The following UCKL1 variants were observed in gnomAD, a reference collection of about 807,000 sequenced individuals.
UCKL1 encodes uridine-cytidine kinase 1 like 1.
A neutral mutation model predicts 59.2 loss-of-function variants in UCKL1; 65 were observed. That is an observed-to-expected ratio of 1.10 (90% CI 0.90 to 1.35). The LOEUF (loss-of-function observed/expected upper bound fraction) is 1.35, where lower values mean the gene tolerates loss of function less well. UCKL1 is among the 40% of genes most tolerant of loss of function. UCKL1 has a pLI of 0.00. For synonymous variants in UCKL1, 410 were observed against 323.1 expected, an observed-to-expected ratio of 1.27 and a Z score of -2.88; for missense variants, 703 against 784.3, an observed-to-expected ratio of 0.90 and a Z score of 1.24.
rs546960492 is a variant in UCKL1, at chr20:63,951,108, T to G, written c.114-4465A>C. ...CAGAGGCACAGCAGCTAGGAGGCCC[T>G]TGAAGCCTCCACCGTACTGAGGGAA... On this transcript the variant is annotated intron_variant, in intron 1 of 14. Transcript: ENST00000354216. The G allele has an allele frequency of 6.9e-6, 8 of 1,164,262 alleles. No individual in the cohort carries two copies. In the South Asian group the frequency reaches 2.9e-4, roughly 43 times the overall value. The allele number at this position is 1,164,262 out of a possible 1,614,324, so 72.1% of individuals were successfully genotyped here.
At chr20:63,948,734 G>A (rs1439643272) in intron 1 of UCKL1, among the ~76,000 whole-genome samples, 1 of 150,850 alleles carries the variant, frequency 6.6e-6, no homozygotes, top group Non-Finnish European at 1.5e-5. Flanking sequence ...AGGGAAGCGT[G>A]TGCACACACC....
chr20:63,946,359 C>G, intron 2 of UCKL1, 92 bp from the exon 3 acceptor site: 1 of 1,527,008 alleles, frequency 6.5e-7, no homozygotes, highest in South Asian at 1.2e-5. Context: ...CCGCTGCCTG[C>G]GGTTGCCCGG....
chr20:63,940,596 C>A lies in UCKL1; in HGVS notation c.1300G>T (p.Glu434Ter), dbSNP rs769616859. 3 of 1,607,994 alleles carry A rather than the reference C, an allele frequency of 1.9e-6. No individual in the cohort carries two copies. The highest frequency in any genetic ancestry group is 1.7e-5 in the Admixed American group (1 of 59,996). Residue 434 changes from glutamate (E) to a stop codon, truncating the protein, a stop_gained and splice_region_variant, in exon 12 of 15, where the codon GAG becomes TAG. Transcript: ENST00000354216. LOFTEE classifies it high-confidence loss of function. ...IQTNQLTGEP[E>*]LHYLRLPKDI... ...TCACCCCGGCTGCCCCCAGGCACCT[C>A]GGGCTCCCCGGTAAGCTGGTTGGTC...
At chr20:63,945,772 C>T in intron 4 of UCKL1, 33 bp downstream of exon 4, 2 of 1,612,862 alleles carry the variant, frequency 1.2e-6, no homozygotes, top group Non-Finnish European at 1.7e-6. Flanking sequence ...GCCTGCAGCC[C>T]CCCGAGGCCC....
At position 63,949,917 on chromosome 20, in the gene UCKL1, G is replaced by A. The variant is rs539872830; in HGVS notation, c.114-3274C>T. Among the ~76,000 whole-genome samples the A allele has an allele frequency of 3.5e-4, 53 of 152,354 alleles. No individual in the cohort carries two copies. In the East Asian group the frequency reaches 7.7e-3, roughly 22 times the overall value. ...GGACAGACACCAGACGGCAGAGGCC[G>A]GGCTGGCACCGTGCCTGCTCCCCAT... On this transcript the variant is annotated intron_variant, in intron 1 of 14. Coordinates refer to ENST00000354216, the MANE Select transcript of UCKL1 (RefSeq NM_017859.4).
chr20:63,952,006 C>A (rs1192498069), intron 1 of UCKL1, among the ~76,000 whole-genome samples: 1 of 152,224 alleles, frequency 6.6e-6, no homozygotes, highest in African/African-American at 2.4e-5. Context: ...AAAGGGAAGA[C>A]TCCACATGGA....
At chr20:63,952,508 A>C (rs989072482) in intron 1 of UCKL1, among the ~76,000 whole-genome samples, 4 of 151,920 alleles carry the variant, frequency 2.6e-5, no homozygotes, top group Non-Finnish European at 5.9e-5. Context: ...CACGGCAGGG[A>C]GGGGCCGCTC....
At chr20:63,943,757 A>T (rs1266643082) in intron 7 of UCKL1, 88 bp from the exon 8 acceptor site, 1 of 1,595,022 alleles carries the variant, frequency 6.3e-7, no homozygotes, top group East Asian at 2.2e-5. Context: ...CCAGGAATGG[A>T]CATGCTGCAG....
At chr20:63,941,476 T>C in intron 8 of UCKL1, 2 of 512,518 alleles carry the variant, frequency 3.9e-6, no homozygotes, top group South Asian at 4.3e-5. Flanking sequence ...TGAGGGCCCC[T>C]CCCAGTGCGG....
At chr20:63,946,111 G>A (rs751096376) in intron 3 of UCKL1, 50 bp downstream of exon 3, 1 of 1,608,342 alleles carries the variant, frequency 6.2e-7, no homozygotes, top group Admixed American at 1.7e-5. Flanking sequence ...GGGGGTCCAG[G>A]GTCAGGGAGA....
Position 63,941,032 on chromosome 20 carries a change from G to A in UCKL1, c.1034C>T (p.Thr345Ile), listed in dbSNP as rs1295057046. The A allele has an allele frequency of 6.4e-7, 1 of 1,573,518 alleles. No individual in the cohort carries two copies. The highest frequency in any genetic ancestry group is 2.3e-5 in the East Asian group (1 of 44,402). Residue 345 changes from threonine to isoleucine, a missense_variant, in exon 10 of 15, where the codon ACC (threonine) becomes ATC (isoleucine). Around this residue, in one of 4 missense-constraint regions of UCKL1, gnomAD observed 156 missense variants for 185.6 expected, o/e 0.84. Transcript: ENST00000354216. ...GTAGAAGATGAACTCGTCGCGACTG[G>A]TCTCCTTGTCCCTGTGGGGCCAACA... ...GMHTIIRDKE[T>I]SRDEFIFYSK...
At chr20:63,940,772 C>G (rs1443359272) in intron 11 of UCKL1, 22 bp downstream of exon 11, 9 of 1,598,878 alleles carry the variant, frequency 5.6e-6, no homozygotes, top group African/African-American at 1.3e-5. Flanking sequence ...TGTCCCGCGC[C>G]CAGGTGTGCC....
In UCKL1 at chr20:63,946,258, C is replaced by T. The variant is rs1043043154; in HGVS notation, c.314G>A (p.Gly105Asp). The change falls in exon 3 of 15, where the codon GGC (glycine) becomes GAC (aspartate). Residue 105 changes from glycine (G) to aspartate (D), a missense_variant. By Grantham distance (94) the Gly-to-Asp change is moderately conservative. Around this residue, in one of 4 missense-constraint regions of UCKL1, gnomAD observed 398 missense variants for 373.0 expected, o/e 1.07. Coordinates refer to ENST00000354216, the MANE Select transcript of UCKL1 (RefSeq NM_017859.4). ...SKEAFAIGLG[G>D]GSASGKTTVA... Reference sequence around the variant, plus strand: ...AGTGGTCTTCCCAGAGGCACTGCCGCCTCCCAAGCCTGCCGGCGGGAGTGG... The same window carrying T: ...AGTGGTCTTCCCAGAGGCACTGCCGTCTCCCAAGCCTGCCGGCGGGAGTGG... 4 of 1,593,114 alleles carry T rather than the reference C, an allele frequency of 2.5e-6. No homozygotes were observed. Among genetic ancestry groups the T allele is most frequent in the Non-Finnish European group, 3.4e-6 (4 of 1,171,004 alleles).
rs939523487 is a variant in UCKL1 at position 63,940,369 on chromosome 20, C to G, written c.1410+9G>C. The stretch of plus-strand genomic sequence containing the variant: ...CTGAACCTGCCCCGCCTACCCAGGG[C>G]TCACTCACCAGGAGCACGCGCACTG... On this transcript the variant is annotated intron_variant, in intron 13 of 14. Coordinates refer to ENST00000354216, the MANE Select transcript of UCKL1 (RefSeq NM_017859.4). 5 of 1,611,698 alleles carry G rather than the reference C, an allele frequency of 3.1e-6. No individual in the cohort carries two copies. In the Admixed American group the frequency reaches 8.3e-5, roughly 27 times the overall value.
intron 8 of UCKL1, chr20:63,942,849 G>A (rs1355400901): frequency 2.5e-6 from 1 of 403,552 alleles, no homozygotes; most frequent in East Asian, 7.6e-5. Flanking sequence ...GACAAGACCT[G>A]CGGGTTCCTA....
intron 8 of UCKL1, chr20:63,941,484 C>T: frequency 2.0e-6 from 1 of 492,858 alleles, no homozygotes; most frequent in Non-Finnish European, 3.8e-6. Context: ...CCTCCCAGTG[C>T]GGGACCCCTC....
At chr20:63,950,648 G>C (rs1601295307) in intron 1 of UCKL1, 1 of 1,248,824 alleles carries the variant, frequency 8.0e-7, no homozygotes, top group South Asian at 2.0e-5. Context: ...GCACCTGCCA[G>C]CCTGTTTGAT....
Position 63,941,184 on chromosome 20 carries a change from C to A in UCKL1, c.948G>T (p.Gln316His). 1 of 1,561,988 alleles carries A rather than the reference C, an allele frequency of 6.4e-7. No individual in the cohort carries two copies. Among genetic ancestry groups the A allele is most frequent in the Non-Finnish European group, 8.6e-7 (1 of 1,160,944 alleles). ...TCAGCGTCCGGGGCAGCGGGTGGCA[C>A]TGGTGTGCCGAGGCCAGCGCAGCCC... Reference protein sequence around the residue: ...SVRAALASAHQCHPLPRTLSV... With the variant: ...SVRAALASAHHCHPLPRTLSV... Residue 316 changes from glutamine to histidine, a missense_variant, in exon 9 of 15, where the codon CAG (glutamine) becomes CAT (histidine). Coordinates refer to ENST00000354216, the MANE Select transcript of UCKL1 (RefSeq NM_017859.4).
In UCKL1 at chr20:63,941,031, G is replaced by A. The variant is rs2054242769; in HGVS notation, c.1035C>T (p.Thr345=). 1 of 1,572,520 alleles carries A rather than the reference G, an allele frequency of 6.4e-7. No homozygotes were observed. Among genetic ancestry groups the A allele is most frequent in the African/African-American group, 1.4e-5 (1 of 73,116 alleles). The change falls in exon 10 of 15, where the codon ACC becomes ACT. Residue 345 remains threonine (T), a synonymous_variant. Coordinates refer to ENST00000354216, the MANE Select transcript of UCKL1 (RefSeq NM_017859.4). ...GMHTIIRDKE[T]SRDEFIFYSK... ...AGTAGAAGATGAACTCGTCGCGACT[G>A]GTCTCCTTGTCCCTGTGGGGCCAAC...
Sources: allele counts gnomAD v4.1 joint callset (sites outside exome capture counted in the v4.1 genomes callset), GRCh38; gene constraint gnomAD v4.1.1; regional missense constraint gnomAD v4.1.1; transcripts MANE v1.5; gene names NCBI Gene and HGNC (gene_info 2026-07-23, HGNC 2026-07-21).